ATXN1: variants seen among roughly 807,000 people sequenced by gnomAD.
ATXN1 encodes the protein ataxin 1.
Under a neutral mutation model 56.4 loss-of-function variants are expected in ATXN1, and 8 were observed. That is an observed-to-expected ratio of 0.14 (90% CI 0.08 to 0.26). The LOEUF (loss-of-function observed/expected upper bound fraction) is 0.26. Among genes scored for constraint, ATXN1 ranks in the 10% least tolerant of loss-of-function variants. ATXN1 has a pLI of 1.00. For synonymous variants in ATXN1, 514 were observed against 494.6 expected, an observed-to-expected ratio of 1.04 and a Z score of -0.52; for missense variants, 987 against 1,106.5, an observed-to-expected ratio of 0.89 and a Z score of 1.53.
intron 2 of ATXN1, among the ~76,000 whole-genome samples, chr6:16,661,767 G>A (rs1267414392): frequency 6.6e-6 from 1 of 152,170 alleles, no homozygotes; most frequent in Non-Finnish European, 1.5e-5. Flanking sequence ...CTGTGGAAGG[G>A]CCCACATGGC....
At position 16,306,358 on chromosome 6, in the gene ATXN1, T is replaced by A; in HGVS notation, c.2419A>T (p.Ile807Phe). 1 of 1,612,454 alleles carries A rather than the reference T, an allele frequency of 6.2e-7. No individual in the cohort carries two copies. Among genetic ancestry groups the A allele is most frequent in the Non-Finnish European group, 8.5e-7 (1 of 1,179,316 alleles). The part of the protein sequence containing the change: ...SLIPQEVKIC[I>F]EGRSNVGK ...TTGCCTACATTAGACCGGCCTTCAA[T>A]GCAAATCTTAACCTCCTGAGGAATT... Residue 807 changes from isoleucine to phenylalanine, a missense_variant, in exon 8 of 8, where the codon ATT becomes TTT. Physicochemically the swap from Ile to Phe is conservative, Grantham distance 21 (BLOSUM62 0). Transcript: ENST00000436367. The surrounding 1 kb of genome is among the most constrained non-coding windows in gnomAD (Gnocchi z 5.2).
At chr6:16,749,252 T>C (rs1413271190) in intron 2 of ATXN1, among the ~76,000 whole-genome samples, 3 of 152,222 alleles carry the variant, frequency 2.0e-5, no homozygotes, top group Non-Finnish European at 4.4e-5. Context: ...GTCAAGTAGA[T>C]GGCACATTGT....
At chr6:16,490,499 A>G (rs1223623525) in intron 5 of ATXN1, among the ~76,000 whole-genome samples, 2 of 152,050 alleles carry the variant, frequency 1.3e-5, no homozygotes, top group Non-Finnish European at 2.9e-5. Context: ...GATTTCCACC[A>G]CTTTTCTCTG....
intron 4 of ATXN1, among the ~76,000 whole-genome samples, chr6:16,538,101 C>A (rs971107669): frequency 6.6e-6 from 1 of 152,168 alleles, no homozygotes; most frequent in African/African-American, 2.4e-5. Context: ...TTCCTTCCAC[C>A]GGCACAAGAA....
intron 3 of ATXN1, among the ~76,000 whole-genome samples, chr6:16,641,955 G>A (rs1265443325): frequency 6.6e-6 from 1 of 152,180 alleles, no homozygotes; most frequent in Non-Finnish European, 1.5e-5. Flanking sequence ...CTTCGGTGGA[G>A]GAAGGAACTG....
At chr6:16,347,169 C>T (rs1365695752) in intron 6 of ATXN1, among the ~76,000 whole-genome samples, 1 of 152,230 alleles carries the variant, frequency 6.6e-6, no homozygotes, top group Non-Finnish European at 1.5e-5. Context: ...CGACGAGCGC[C>T]GCCCCCTGCT....
In ATXN1 at chr6:16,727,525, A is replaced by T. The variant is rs189170136; in HGVS notation, c.-615+25708T>A. On this transcript the variant is annotated intron_variant, in intron 2 of 7. Coordinates refer to ENST00000436367, the MANE Select transcript of ATXN1 (RefSeq NM_001128164.2). ...AACTCTCTTAAGTACTTATAAAAAA[A>T]TTTCAAAATGATCATCAAATTACTT... Among the ~76,000 whole-genome samples, 10 of 152,276 alleles carry T rather than the reference A, an allele frequency of 6.6e-5. No individual in the cohort carries two copies. The East Asian group carries it at 1.9e-3, about 29-fold the overall frequency.
intron 5 of ATXN1, among the ~76,000 whole-genome samples, chr6:16,504,816 C>T (rs1760950804): frequency 6.6e-6 from 1 of 152,142 alleles, no homozygotes; most frequent in African/African-American, 2.4e-5. Flanking sequence ...TAAGCTGTTC[C>T]TGACGTGCTT....
At chr6:16,453,302 T>C (rs1213079698) in intron 6 of ATXN1, among the ~76,000 whole-genome samples, 2 of 151,844 alleles carry the variant, frequency 1.3e-5, no homozygotes, top group East Asian at 1.9e-4. Context: ...CTACTAAAAA[T>C]ACAAAAAAAT....
At chr6:16,475,871 CTTT>C (rs56262935) in intron 6 of ATXN1, among the ~76,000 whole-genome samples, 2 of 139,156 alleles carry the variant, frequency 1.4e-5, no homozygotes, top group Middle Eastern at 3.4e-3. Flanking sequence ...TTAGTCATTA[CTTT>C]TTTTTTTTTT....
rs1476136625 is a variant in ATXN1 at position 16,579,488 on chromosome 6, C to CT, written c.-361+6291_-361+6292insA. The stretch of plus-strand genomic sequence containing the variant: ...TGAGTACCTTGGTCAAAGCCCCCCC[C>CT]CCCCACCCGCCGATTCATTCCCAAG... On this transcript the variant is annotated intron_variant, in intron 4 of 7. Coordinates refer to ENST00000436367, the MANE Select transcript of ATXN1 (RefSeq NM_001128164.2). 5.4e-5 allele frequency among the ~76,000 whole-genome samples: 2 copies of CT among 36,978 alleles called. 1 individual carries two copies. Among genetic ancestry groups the CT allele is most frequent in the Non-Finnish European group, 1.3e-4 (2 of 15,018 alleles). The allele number at this position is 36,978 out of a possible 152,430, so 24.3% of individuals were successfully genotyped here. A position where few individuals can be genotyped will look rare whatever the true frequency, so the allele number is the denominator to read the frequency against.
chr6:16,635,104 A>G (rs1763571411), intron 3 of ATXN1, among the ~76,000 whole-genome samples: 1 of 152,156 alleles, frequency 6.6e-6, no homozygotes, highest in Non-Finnish European at 1.5e-5. Context: ...GCCTCCTGTC[A>G]GGTCAGCAAC....
At chr6:16,576,237 T>C (rs1333102251) in intron 4 of ATXN1, among the ~76,000 whole-genome samples, 1 of 152,186 alleles carries the variant, frequency 6.6e-6, no homozygotes, top group African/African-American at 2.4e-5. Flanking sequence ...TAAGTCTCTT[T>C]ACTTAATTCA....
chr6:16,570,063 T>C (rs1406388871), intron 4 of ATXN1, among the ~76,000 whole-genome samples: 3 of 152,230 alleles, frequency 2.0e-5, no homozygotes, highest in Non-Finnish European at 4.4e-5. Flanking sequence ...TGTTCCACCC[T>C]GAAGAGTTGG....
intron 6 of ATXN1, among the ~76,000 whole-genome samples, chr6:16,407,274 A>C (rs1323201965): frequency 6.6e-6 from 1 of 152,182 alleles, no homozygotes; most frequent in Non-Finnish European, 1.5e-5. Flanking sequence ...TACATTATTA[A>C]ATTTTTTAAA....
chr6:16,406,293 T>A lies in ATXN1; in HGVS notation c.-160-77823A>T, dbSNP rs941486026. On this transcript the variant is annotated intron_variant, in intron 6 of 7. Transcript: ENST00000436367. ...ACCAAGGAGAACCCAAGTTAAATAA[T>A]TTTTTCAAGAATCTAAATAAAACTT... 5.3e-5 allele frequency among the ~76,000 whole-genome samples: 8 copies of A among 152,228 alleles called. 1 individual carries two copies. The highest frequency in any genetic ancestry group is 1.3e-4 in the Admixed American group (2 of 15,284).
chr6:16,412,073 C>A (rs1222425244), intron 6 of ATXN1, among the ~76,000 whole-genome samples: 1 of 152,046 alleles, frequency 6.6e-6, no homozygotes, highest in Non-Finnish European at 1.5e-5. Flanking sequence ...AGTAAAAATG[C>A]CATTGGATCT....
At chr6:16,580,575 C>T (rs911163751) in intron 4 of ATXN1, among the ~76,000 whole-genome samples, 7 of 152,070 alleles carry the variant, frequency 4.6e-5, no homozygotes, top group African/African-American at 1.7e-4. Flanking sequence ...TAAGAGTAAA[C>T]ACAGATGATG....
intron 3 of ATXN1, among the ~76,000 whole-genome samples, chr6:16,606,040 G>A (rs1350374368): frequency 2.6e-5 from 4 of 152,030 alleles, no homozygotes; most frequent in Admixed American, 6.6e-5. Flanking sequence ...GAGGTGGGGG[G>A]ATCGCTTGAA....
Sources: gnomAD v4.1 joint callset for allele counts (sites outside exome capture counted in the v4.1 genomes callset) on GRCh38, gnomAD v4.1.1 for gene constraint, Gnocchi (gnomAD v3.1) non-coding constraint, MANE v1.5 for transcripts, NCBI Gene and HGNC (gene_info 2026-07-23, HGNC 2026-07-21) for gene names.